PARP8: variants seen among roughly 807,000 people sequenced by gnomAD.
PARP8 encodes the protein poly(ADP-ribose) polymerase family member 8, also known as protein mono-ADP-ribosyltransferase PARP8.
A neutral mutation model predicts 124.1 loss-of-function variants in PARP8; 51 were observed. That is an observed-to-expected ratio of 0.41 (90% CI 0.33 to 0.52). The LOEUF (loss-of-function observed/expected upper bound fraction) is 0.52. Ranked by LOEUF, PARP8 falls within the 20% of genes least tolerant of loss-of-function variation. PARP8 has a pLI of 0.21. For missense variants in PARP8, 860 were observed against 1,018.9 expected, an observed-to-expected ratio of 0.84 and a Z score of 2.12; for synonymous variants, 391 against 361.5, an observed-to-expected ratio of 1.08 and a Z score of -0.93.
chr5:50,674,413 A>G (rs1216081337), intron 2 of PARP8, among the ~76,000 whole-genome samples: 4 of 152,186 alleles, frequency 2.6e-5, no homozygotes, highest in African/African-American at 4.8e-5. Context: ...TCCCATGTCA[A>G]CATTTAGCCC....
At chr5:50,736,512 T>A (rs1757494341) in intron 2 of PARP8, among the ~76,000 whole-genome samples, 1 of 152,146 alleles carries the variant, frequency 6.6e-6, no homozygotes, top group Non-Finnish European at 1.5e-5. Context: ...TAATCTGAAA[T>A]AAGGAGACAT....
At chr5:50,707,416 G>A (rs1342180453) in intron 2 of PARP8, among the ~76,000 whole-genome samples, 7 of 151,962 alleles carry the variant, frequency 4.6e-5, no homozygotes, top group African/African-American at 1.7e-4. Context: ...TCATTTCACA[G>A]TAACAATTAA....
intron 2 of PARP8, among the ~76,000 whole-genome samples, chr5:50,690,837 ACT>A (rs1283509120): frequency 1.3e-5 from 2 of 151,608 alleles, no homozygotes; most frequent in Non-Finnish European, 2.9e-5. Flanking sequence ...GGAAACAAAC[ACT>A]CTCTTTCTTT....
intron 2 of PARP8, among the ~76,000 whole-genome samples, chr5:50,706,139 A>G (rs1754125338): frequency 6.6e-6 from 1 of 152,184 alleles, no homozygotes; most frequent in South Asian, 2.1e-4. Flanking sequence ...CTGATGTTAT[A>G]TTTTAAAATT....
intron 2 of PARP8, among the ~76,000 whole-genome samples, chr5:50,699,105 C>G (rs111319317): frequency 2.6e-5 from 4 of 152,316 alleles, no homozygotes; most frequent in African/African-American, 9.6e-5. Flanking sequence ...ACCTGTCCTA[C>G]AGTCATGATG....
chr5:50,807,642 T>G (rs1744001359), intron 14 of PARP8, among the ~76,000 whole-genome samples: 1 of 152,148 alleles, frequency 6.6e-6, no homozygotes, highest in Admixed American at 6.6e-5. Context: ...TATACTCACC[T>G]TAATCACCTC....
intron 2 of PARP8, among the ~76,000 whole-genome samples, chr5:50,723,939 C>T (rs1756159432): frequency 6.6e-6 from 1 of 152,024 alleles, no homozygotes; most frequent in African/African-American, 2.4e-5. Context: ...AATTTGAAAT[C>T]CTCCAGGAGA....
At chr5:50,830,897 C>A (rs567909513) in intron 22 of PARP8, among the ~76,000 whole-genome samples, 4 of 151,750 alleles carry the variant, frequency 2.6e-5, no homozygotes, top group African/African-American at 9.7e-5. Context: ...CACATGGTGC[C>A]TGAATGGTGA....
At chr5:50,796,909 G>A in intron 12 of PARP8, 73 bp from the exon 13 acceptor site, 3 of 1,281,420 alleles carry the variant, frequency 2.3e-6, no homozygotes, top group Admixed American at 2.2e-5. Context: ...CTATTGCAAA[G>A]AGTAAAAGCC....
rs924611612 is a variant in PARP8 at position 50,842,391 on chromosome 5, T to C, written c.*323T>C. Reference sequence around the variant, plus strand: ...CTAAACTCTTTAACTGGATATTTGGTATTATATACCGACATTTTAGGTTAC... The same window carrying C: ...CTAAACTCTTTAACTGGATATTTGGCATTATATACCGACATTTTAGGTTAC... On this transcript the variant is annotated 3_prime_UTR_variant, in exon 26 of 26. Coordinates refer to ENST00000281631, the MANE Select transcript of PARP8 (RefSeq NM_024615.4). The C allele has an allele frequency of 3.9e-5, 8 of 205,106 alleles. No individual in the cohort carries two copies. The highest frequency in any genetic ancestry group is 7.8e-5 in the Non-Finnish European group (8 of 102,700). 12.7% of individuals were successfully genotyped at this position (205,106 alleles called of 1,614,324 possible).
rs1361175531 is a variant in PARP8 at position 50,845,061 on chromosome 5, TAAAAAACCAACC to T, written c.*2994_*3005del. 1 of 151,532 alleles carries T rather than the reference TAAAAAACCAACC, an allele frequency of 6.6e-6. No homozygotes were observed. The highest frequency in any genetic ancestry group is 6.6e-5 in the Admixed American group (1 of 15,172). The allele number at this position is 151,532 out of a possible 1,614,324, so 9.4% of individuals were successfully genotyped here. A position where few individuals can be genotyped will look rare whatever the true frequency, so the allele number is the denominator to read the frequency against. ...AGTTACCGTTAAATACTATGTAGTA[TAAAAAACCAACC>T]CAAGCTATTGTTAATGCTCTGAATG... On this transcript the variant is annotated 3_prime_UTR_variant, in exon 26 of 26. Transcript: ENST00000281631.
intron 17 of PARP8, among the ~76,000 whole-genome samples, chr5:50,823,271 C>T (rs1443320272): frequency 1.3e-5 from 2 of 152,220 alleles, no homozygotes; most frequent in Non-Finnish European, 2.9e-5. Flanking sequence ...AGAGTTATCG[C>T]TACTGCTCTG....
chr5:50,783,165 A>G (rs923515711), intron 9 of PARP8, among the ~76,000 whole-genome samples: 1 of 151,810 alleles, frequency 6.6e-6, no homozygotes, highest in African/African-American at 2.4e-5. Context: ...AGATAAGGGA[A>G]TAGGAGGGAA....
At chr5:50,763,271 T>A in intron 7 of PARP8, 29 bp downstream of exon 7, 1 of 1,508,208 alleles carries the variant, frequency 6.6e-7, no homozygotes, top group Non-Finnish European at 9.2e-7. Context: ...TGAATAAAAT[T>A]AAAGTTTTAT....
chr5:50,728,428 T>A (rs78150601), intron 2 of PARP8, among the ~76,000 whole-genome samples: 2,249 of 152,314 alleles, frequency 0.015, 58 homozygotes, highest in African/African-American at 0.052. Context: ...AAAATTGACA[T>A]CATTTTCATT....
At chr5:50,706,663 C>T (rs1754182377) in intron 2 of PARP8, among the ~76,000 whole-genome samples, 1 of 152,026 alleles carries the variant, frequency 6.6e-6, no homozygotes, top group African/African-American at 2.4e-5. Flanking sequence ...GTTATGTAGT[C>T]TTTCCAGTTT....
chr5:50,791,249 A>G (rs1741920600), intron 10 of PARP8, among the ~76,000 whole-genome samples: 1 of 152,192 alleles, frequency 6.6e-6, no homozygotes, highest in Non-Finnish European at 1.5e-5. Context: ...ATTATATGTC[A>G]TGCACTATTC....
chr5:50,834,137 T>G, intron 24 of PARP8, 89 bp downstream of exon 24: 18 of 1,045,588 alleles, frequency 1.7e-5, no homozygotes, highest in Non-Finnish European at 2.6e-5. Context: ...GTGCTTACGG[T>G]GGAATAGGGA....
At chr5:50,689,508 G>C (rs935743938) in intron 2 of PARP8, among the ~76,000 whole-genome samples, 2 of 152,132 alleles carry the variant, frequency 1.3e-5, no homozygotes, top group Non-Finnish European at 2.9e-5. Flanking sequence ...CAGGGAAGGA[G>C]GGAAAATGGG....
Sources: gnomAD v4.1 joint callset for allele counts (sites outside exome capture counted in the v4.1 genomes callset) on GRCh38, gnomAD v4.1.1 for gene constraint, MANE v1.5 for transcripts, NCBI Gene and HGNC (gene_info 2026-07-23, HGNC 2026-07-21) for gene names.